Variants in HERC4 observed in about 807,000 individuals in gnomAD.
HERC4 encodes the protein probable E3 ubiquitin-protein ligase HERC4.
Under a neutral mutation model 124.3 loss-of-function variants are expected in HERC4, and 28 were observed. The observed-to-expected ratio is 0.23, with a 90% CI of 0.17 to 0.31. The LOEUF is 0.31. HERC4 is among the 10% of genes least tolerant of loss of function. HERC4 has a pLI of 1.00. For synonymous variants in HERC4, 407 were observed against 421.5 expected (o/e 0.97, Z 0.42); for missense variants, 713 against 1,229.3 (o/e 0.58, Z 6.28).
chr10:68,027,989 A>ATT (rs1403595495), intron 7 of HERC4, among the ~76,000 whole-genome samples: 50 of 135,074 alleles, frequency 3.7e-4, no homozygotes, highest in East Asian at 3.4e-3. Context: ...TATATTTTTA[A>ATT]TTATATATAT....
intron 3 of HERC4, among the ~76,000 whole-genome samples, chr10:68,048,447 A>G (rs1231042318): frequency 6.6e-6 from 1 of 152,202 alleles, no homozygotes; most frequent in East Asian, 1.9e-4. Flanking sequence ...CTATATGACA[A>G]GCTGGAAAAG....
At chr10:68,013,379 C>A (rs72808655) in intron 9 of HERC4, among the ~76,000 whole-genome samples, 2 of 152,096 alleles carry the variant, frequency 1.3e-5, no homozygotes, top group Non-Finnish European at 2.9e-5. Context: ...CCAAGGTATG[C>A]CTGAATTATA....
At chr10:67,995,078 C>CT (rs1254983283) in intron 9 of HERC4, 2 of 312,398 alleles carry the variant, frequency 6.4e-6, no homozygotes, top group East Asian at 1.8e-4. Context: ...ATTTTGCTGA[C>CT]TTTATCTTTG....
At chr10:67,957,119 C>T in intron 16 of HERC4, 143 bp from the exon 17 acceptor site, 2 of 503,400 alleles carry the variant, frequency 4.0e-6, no homozygotes, top group South Asian at 4.0e-5. Flanking sequence ...ATGCTGCTTA[C>T]AGAATTATTA....
chr10:67,948,947 C>A (rs1027651550), intron 19 of HERC4, among the ~76,000 whole-genome samples: 1 of 146,746 alleles, frequency 6.8e-6, no homozygotes, highest in Admixed American at 6.8e-5. Context: ...TAAATAAATA[C>A]AATTTTTAAA....
intron 15 of HERC4, among the ~76,000 whole-genome samples, chr10:67,972,976 A>C (rs1292679879): frequency 6.6e-6 from 1 of 152,234 alleles, no homozygotes; most frequent in Non-Finnish European, 1.5e-5. Flanking sequence ...TATTCTTAAG[A>C]GATGAAAGAT....
chr10:67,947,676 ATCT>A (rs1405645484), intron 19 of HERC4, among the ~76,000 whole-genome samples: 3 of 152,210 alleles, frequency 2.0e-5, no homozygotes, highest in Admixed American at 6.5e-5. Context: ...TACATGGAAC[ATCT>A]TCTAGGATAG....
intron 19 of HERC4, among the ~76,000 whole-genome samples, chr10:67,946,331 T>G (rs988724802): frequency 7.2e-6 from 1 of 138,430 alleles, no homozygotes; most frequent in Admixed American, 7.6e-5. Context: ...ACAGACTAGG[T>G]AAATGGATAA....
At chr10:67,977,614 G>A (rs1243063400) in intron 15 of HERC4, among the ~76,000 whole-genome samples, 1 of 152,086 alleles carries the variant, frequency 6.6e-6, no homozygotes, top group East Asian at 1.9e-4. Flanking sequence ...TTGGTTCTTA[G>A]ATGGCATTTC....
At position 67,990,398 on chromosome 10, in the gene HERC4, C is replaced by A; in HGVS notation, c.1446G>T (p.Val482=). 1.3e-6 allele frequency: 2 copies of A among 1,495,122 alleles called. No homozygotes were observed. Among genetic ancestry groups the A allele is most frequent in the East Asian group, 2.4e-5 (1 of 40,860 alleles). The allele number at this position is 1,495,122 out of a possible 1,614,324, so 92.6% of individuals were successfully genotyped here. A position where few individuals can be genotyped will look rare whatever the true frequency, so the allele number is the denominator to read the frequency against. The change falls in exon 14 of 25, where the codon GTG becomes GTT. Residue 482 remains valine (V), a splice_region_variant and synonymous_variant. Coordinates refer to ENST00000373700, the MANE Select transcript of HERC4 (RefSeq NM_015601.4). ...TAAGATTCTTTTCCAAACTAGCTGC[C>A]ACCTATATTTTGACAAAAAGTAAAA... ...QPDHPQISQQ[V]AASLEKNLIP... is the part of the protein sequence containing the mutation.
At chr10:67,931,001 T>G (rs2031736895) in intron 23 of HERC4, among the ~76,000 whole-genome samples, 1 of 151,592 alleles carries the variant, frequency 6.6e-6, no homozygotes, top group Non-Finnish European at 1.5e-5. Flanking sequence ...TTTCTTTCTT[T>G]TTGAGATGGA....
Position 68,037,612 on chromosome 10 carries a change from T to C in HERC4, c.463+481A>G, listed in dbSNP as rs142542079. On this transcript the variant is annotated intron_variant, in intron 5 of 24. Coordinates refer to ENST00000373700, the MANE Select transcript of HERC4 (RefSeq NM_015601.4). ...GGAAGCAATCTTCCCCAGTTGCAGC[T>C]ATGAAGAGTTTTTAACTGTTTAATA... 4.1e-3 allele frequency among the ~76,000 whole-genome samples: 625 copies of C among 152,270 alleles called. 5 individuals carry two copies. Among genetic ancestry groups the C allele is most frequent in the African/African-American group, 0.014 (574 of 41,546 alleles).
At chr10:68,039,638 A>G (rs2133438547) in intron 4 of HERC4, 1 of 1,373,952 alleles carries the variant, frequency 7.3e-7, no homozygotes, top group East Asian at 2.6e-5. Context: ...CCAACAAATT[A>G]GCAGGATCCA....
intron 15 of HERC4, among the ~76,000 whole-genome samples, chr10:67,984,986 AC>A (rs1180724843): frequency 6.6e-6 from 1 of 152,134 alleles, no homozygotes; most frequent in African/African-American, 2.4e-5. Context: ...AAGAAACGCA[AC>A]CAGTGTTTGC....
At chr10:67,957,940 T>G (rs1169538361) in intron 16 of HERC4, among the ~76,000 whole-genome samples, 1 of 152,150 alleles carries the variant, frequency 6.6e-6, no homozygotes. Context: ...CCCGAGTAGC[T>G]GGGATTACAG....
At chr10:68,054,476 A>C (rs1030711949) in intron 3 of HERC4, among the ~76,000 whole-genome samples, 9 of 151,440 alleles carry the variant, frequency 5.9e-5, no homozygotes. Flanking sequence ...GCCTCAGCTA[A>C]CCACGCCCAG....
chr10:67,986,178 G>T (rs1228898532), intron 15 of HERC4, among the ~76,000 whole-genome samples: 1 of 152,158 alleles, frequency 6.6e-6, no homozygotes, highest in African/African-American at 2.4e-5. Flanking sequence ...AAAAAGAGAT[G>T]TTTAAGAAAG....
At chr10:68,057,493 A>G (rs1589439316) in intron 3 of HERC4, among the ~76,000 whole-genome samples, 1 of 151,712 alleles carries the variant, frequency 6.6e-6, no homozygotes, top group Middle Eastern at 3.4e-3. Flanking sequence ...GCGTGGTGGC[A>G]GGCGCCTATA....
At chr10:68,071,231 T>C (rs891355789) in intron 3 of HERC4, among the ~76,000 whole-genome samples, 2 of 152,248 alleles carry the variant, frequency 1.3e-5, no homozygotes, top group African/African-American at 2.4e-5. Context: ...AATGTCAACA[T>C]GACCACAAAG....
Sources: allele counts gnomAD v4.1 joint callset (sites outside exome capture counted in the v4.1 genomes callset), GRCh38; gene constraint gnomAD v4.1.1; transcripts MANE v1.5; gene names NCBI Gene and HGNC (gene_info 2026-07-23, HGNC 2026-07-21).